SCRG1: variants seen among roughly 807,000 people sequenced by gnomAD.
SCRG1 encodes the protein scrapie-responsive protein 1.
A neutral mutation model predicts 7.7 loss-of-function variants in SCRG1; 3 were observed. That is an observed-to-expected ratio of 0.39 (90% CI 0.18 to 1.01). The LOEUF is 1.01. Among genes scored for constraint, SCRG1 ranks in the 50% least tolerant of loss-of-function variants. SCRG1 has a pLI of 0.36. For missense variants in SCRG1, 110 were observed against 117.2 expected (o/e 0.94, Z 0.28); for synonymous variants, 46 against 41.2 (o/e 1.12, Z -0.44).
At chr4:173,404,703 A>C (rs756640503) in intron 1 of SCRG1, among the ~76,000 whole-genome samples, 2 of 152,142 alleles carry the variant, frequency 1.3e-5, no homozygotes, top group Non-Finnish European at 2.9e-5. Context: ...ACTGATCACT[A>C]TTTCTTCAAG....
At chr4:173,485,423 T>A in the SCRG1 span, among the ~76,000 whole-genome samples, 1 of 150,922 alleles carries the variant, frequency 6.6e-6, no homozygotes, top group Admixed American at 6.7e-5. Context: ...TGAGGCTATC[T>A]GGGCCATTCA....
At chr4:173,511,206 G>A in the SCRG1 span, among the ~76,000 whole-genome samples, 1 of 152,054 alleles carries the variant, frequency 6.6e-6, no homozygotes, top group African/African-American at 2.4e-5. This position sits in a 1 kb window ranked among gnomAD's most constrained non-coding sequence, Gnocchi z 5.2. Context: ...ACGAACTCCT[G>A]ACCTCAAATG....
At chr4:173,390,472 GTTT>G (rs1157046793) in intron 2 of SCRG1, among the ~76,000 whole-genome samples, 2 of 115,452 alleles carry the variant, frequency 1.7e-5, no homozygotes, top group Non-Finnish European at 3.7e-5. Flanking sequence ...GTTGTTGTTC[GTTT>G]TTTTTTTTTT....
the SCRG1 span, among the ~76,000 whole-genome samples, chr4:173,498,984 G>A: frequency 6.6e-6 from 1 of 152,272 alleles, no homozygotes; most frequent in African/African-American, 2.4e-5. Flanking sequence ...TCCATGTGTG[G>A]TGTGCTTCCT....
the SCRG1 span, chr4:173,468,202 T>A: frequency 1.3e-5 from 2 of 152,412 alleles, no homozygotes; most frequent in African/African-American, 4.8e-5. Context: ...TTAGATATGT[T>A]TAGATACACA....
At chr4:173,459,173 A>T in the SCRG1 span, among the ~76,000 whole-genome samples, 1 of 152,346 alleles carries the variant, frequency 6.6e-6, no homozygotes, top group African/African-American at 2.4e-5. Flanking sequence ...ATAGTTAGGA[A>T]CTTCAGCACC....
Position 173,386,920 on chromosome 4 carries a change from ATT to A in SCRG1, c.*1419_*1420del, listed in dbSNP as rs1051185446. 3 of 152,188 alleles carry A rather than the reference ATT, an allele frequency of 2.0e-5. No individual in the cohort carries two copies. The highest frequency in any genetic ancestry group is 7.2e-5 in the African/African-American group (3 of 41,440). 9.4% of individuals were successfully genotyped at this position (152,188 alleles called of 1,614,324 possible). A position where few individuals can be genotyped will look rare whatever the true frequency, so the allele number is the denominator to read the frequency against. ...CTGGCACTTAGCAGGCTTTGAATAC[ATT>A]TTTATAACATGAAAGACTTTCTGAC... is the stretch of plus-strand genomic sequence containing the variant. On this transcript the variant is annotated 3_prime_UTR_variant, in exon 3 of 3. Transcript: ENST00000296506.
intron 1 of SCRG1, among the ~76,000 whole-genome samples, chr4:173,405,535 G>A (rs914297048): frequency 1.3e-5 from 2 of 152,160 alleles, no homozygotes; most frequent in African/African-American, 4.8e-5. Flanking sequence ...TTTGAGGGCG[G>A]AGTAACTACA....
chr4:173,435,610 A>C, the SCRG1 span, among the ~76,000 whole-genome samples: 6 of 152,258 alleles, frequency 3.9e-5, no homozygotes, highest in Non-Finnish European at 4.4e-5. Flanking sequence ...AGGTGAATGG[A>C]AAATGAAATA....
the SCRG1 span, among the ~76,000 whole-genome samples, chr4:173,516,508 G>T: frequency 6.6e-6 from 1 of 152,206 alleles, no homozygotes; most frequent in Non-Finnish European, 1.5e-5. Context: ...CAAGCAGGTC[G>T]CTCTCGTTTA....
chr4:173,461,083 T>C, the SCRG1 span, among the ~76,000 whole-genome samples: 1 of 152,078 alleles, frequency 6.6e-6, no homozygotes, highest in Admixed American at 6.5e-5. Flanking sequence ...CTTCTAAGGT[T>C]TTTCAGTCTA....
At chr4:173,432,089 A>G in the SCRG1 span, among the ~76,000 whole-genome samples, 2 of 152,226 alleles carry the variant, frequency 1.3e-5, no homozygotes, top group Non-Finnish European at 2.9e-5. Flanking sequence ...GGATCCATAT[A>G]GTGGTTGCAC....
chr4:173,395,643 C>G (rs940887531), intron 1 of SCRG1, among the ~76,000 whole-genome samples: 21 of 152,238 alleles, frequency 1.4e-4, no homozygotes, highest in African/African-American at 5.1e-4. Context: ...CAATACTACT[C>G]TCATAGCTCC....
At chr4:173,432,820 G>A in the SCRG1 span, among the ~76,000 whole-genome samples, 1 of 152,214 alleles carries the variant, frequency 6.6e-6, no homozygotes, top group Non-Finnish European at 1.5e-5. Context: ...AGGCAGCTGG[G>A]CATCTCAGAG....
upstream of SCRG1, chr4:173,403,029 C>T (rs1409552649): frequency 6.6e-6 from 1 of 152,164 alleles, no homozygotes; most frequent in African/African-American, 2.4e-5. Flanking sequence ...TTGATTACAA[C>T]TATATAAAGT....
At chr4:173,477,405 C>A in the SCRG1 span, among the ~76,000 whole-genome samples, 2 of 152,108 alleles carry the variant, frequency 1.3e-5, no homozygotes, top group African/African-American at 4.8e-5. Flanking sequence ...CTTCTCTTTC[C>A]TATTAGGTAA....
chr4:173,453,427 A>G, the SCRG1 span, among the ~76,000 whole-genome samples: 35 of 152,308 alleles, frequency 2.3e-4, no homozygotes, highest in Non-Finnish European at 3.8e-4. Context: ...TCATTAGGTG[A>G]TTGTGTCATT....
At chr4:173,437,809 AGAC>A in the SCRG1 span, among the ~76,000 whole-genome samples, 6 of 152,222 alleles carry the variant, frequency 3.9e-5, no homozygotes, top group African/African-American at 1.4e-4. Flanking sequence ...TTGCAGGAAA[AGAC>A]AGTATAGAAA....
At chr4:173,388,955 CA>C (rs1167571745) in intron 2 of SCRG1, among the ~76,000 whole-genome samples, 1 of 151,998 alleles carries the variant, frequency 6.6e-6, no homozygotes, top group African/African-American at 2.4e-5. Context: ...TTGATTTTCC[CA>C]AAATCAAGTA....
Sources: allele counts gnomAD v4.1 joint callset (sites outside exome capture counted in the v4.1 genomes callset), GRCh38; gene constraint gnomAD v4.1.1; non-coding constraint Gnocchi (gnomAD v3.1); transcripts MANE v1.5; gene names NCBI Gene and HGNC (gene_info 2026-07-23, HGNC 2026-07-21).